ATXN7L1: variants seen among roughly 807,000 people sequenced by gnomAD.
ATXN7L1 encodes ataxin-7-like protein 1.
ATXN7L1 carries 15 observed loss-of-function variants against 70.8 expected under a neutral mutation model. The observed-to-expected ratio is 0.21, with a 90% CI of 0.14 to 0.33. ATXN7L1 has a LOEUF of 0.33. Ranked by LOEUF, ATXN7L1 falls within the 10% of genes least tolerant of loss-of-function variation. ATXN7L1 has a pLI of 1.00. For missense variants in ATXN7L1, 975 were observed against 1,097.1 expected (o/e 0.89, Z 1.57); for synonymous variants, 440 against 445.1 (o/e 0.99, Z 0.14).
At chr7:105,766,105 C>T (rs867412711) in intron 3 of ATXN7L1, among the ~76,000 whole-genome samples, 2 of 151,238 alleles carry the variant, frequency 1.3e-5, no homozygotes, top group Non-Finnish European at 2.9e-5. Flanking sequence ...TGAGCTCATT[C>T]GCCACACAGG....
At chr7:105,679,024 G>A (rs753096629) in intron 3 of ATXN7L1, 61 of 958,256 alleles carry the variant, frequency 6.4e-5, no homozygotes, top group Non-Finnish European at 7.6e-5. Context: ...CGTCCTGTGT[G>A]GCCCTCGTGC....
intron 3 of ATXN7L1, among the ~76,000 whole-genome samples, chr7:105,740,918 C>T (rs1362309869): frequency 1.3e-5 from 2 of 151,962 alleles, no homozygotes; most frequent in African/African-American, 4.8e-5. Flanking sequence ...GCGCCCGCCA[C>T]CACGCCTGGC....
At chr7:105,815,957 GA>G (rs1413788386) in intron 2 of ATXN7L1, among the ~76,000 whole-genome samples, 1 of 152,154 alleles carries the variant, frequency 6.6e-6, no homozygotes, top group Non-Finnish European at 1.5e-5. Context: ...ATTATTAAAA[GA>G]AAAACAAAAA....
Position 105,622,908 on chromosome 7 carries a change from G to A in ATXN7L1, c.1395+1167C>T, listed in dbSNP as rs560780207. 3.9e-5 allele frequency among the ~76,000 whole-genome samples: 6 copies of A among 152,178 alleles called. No individual in the cohort carries two copies. In the South Asian group the frequency reaches 8.3e-4, roughly 21 times the overall value. On this transcript the variant is annotated intron_variant, in intron 8 of 11. Coordinates refer to ENST00000419735, the MANE Select transcript of ATXN7L1 (RefSeq NM_020725.2). ...ACAGGGACCATGCGTGAAAAGTAGA[G>A]GGAATTGCAGAGATTGTCCCTCGGC...
chr7:105,818,504 G>T (rs568355557), intron 2 of ATXN7L1, among the ~76,000 whole-genome samples: 18 of 150,330 alleles, frequency 1.2e-4, no homozygotes, highest in Admixed American at 1.1e-3. Flanking sequence ...GGCTTAGAAT[G>T]TTCAAAGTGA....
Position 105,633,714 on chromosome 7 carries a change from C to T in ATXN7L1, c.1202+4639G>A, listed in dbSNP as rs536441882. Among the ~76,000 whole-genome samples the T allele has an allele frequency of 6.6e-5, 10 of 152,276 alleles. No individual in the cohort carries two copies. The South Asian group carries it at 2.1e-3, about 32-fold the overall frequency. ...CAGCCTGGGTGACAGGGGGGAGACTCTGTCTCAAAACAACAATAACAACAA... is the reference window on the plus strand; with the variant it reads ...CAGCCTGGGTGACAGGGGGGAGACTTTGTCTCAAAACAACAATAACAACAA... On this transcript the variant is annotated intron_variant, in intron 7 of 11. Transcript: ENST00000419735.
intron 3 of ATXN7L1, among the ~76,000 whole-genome samples, chr7:105,785,829 A>G (rs1804218128): frequency 6.6e-6 from 1 of 152,214 alleles, no homozygotes; most frequent in Admixed American, 6.5e-5. Context: ...TGCAACCTGG[A>G]AGACAGTCCT....
At chr7:105,832,929 C>G (rs968538199) in intron 2 of ATXN7L1, among the ~76,000 whole-genome samples, 7 of 152,214 alleles carry the variant, frequency 4.6e-5, no homozygotes, top group African/African-American at 1.7e-4. Context: ...TATCCCAGCA[C>G]AAGCCTCCCT....
At chr7:105,777,982 T>C (rs1802976442) in intron 3 of ATXN7L1, among the ~76,000 whole-genome samples, 1 of 152,236 alleles carries the variant, frequency 6.6e-6, no homozygotes, top group Admixed American at 6.5e-5. Context: ...TTTGTTTATG[T>C]TATTTAACCT....
intron 2 of ATXN7L1, among the ~76,000 whole-genome samples, chr7:105,817,237 A>G (rs1809331700): frequency 1.3e-5 from 2 of 152,260 alleles, no homozygotes; most frequent in Non-Finnish European, 2.9e-5. Flanking sequence ...GATACAGGAG[A>G]AAGCAATTTC....
intron 2 of ATXN7L1, among the ~76,000 whole-genome samples, chr7:105,831,772 G>A (rs1811653614): frequency 6.6e-6 from 1 of 152,120 alleles, no homozygotes; most frequent in Admixed American, 6.5e-5. Flanking sequence ...GTGAAGTGGG[G>A]GGCATTGACA....
chr7:105,619,526 ATATATTTTTTTTTTTTTT>A (rs1426426727), intron 9 of ATXN7L1, among the ~76,000 whole-genome samples: 11 of 16,400 alleles, frequency 6.7e-4, no homozygotes, highest in East Asian at 4.0e-3. Flanking sequence ...ATATATATAT[ATATATTTTTTTTTTTTTT>A]TTTTTTTTTT....
rs568809897 is a variant in ATXN7L1 at position 105,607,877 on chromosome 7, G to A, written c.2561C>T (p.Thr854Met). The A allele has an allele frequency of 4.0e-5, 62 of 1,551,892 alleles. No homozygotes were observed. The highest frequency in any genetic ancestry group is 2.2e-4 in the East Asian group (9 of 40,912). ...PGHSRQNTNR[T>M]GRIRTLP ...TTATGGAAGAGTCCTTATCCTGCCCGTTCTGTTTGTGTTCTTCTAGGAAAG... is the reference window on the plus strand; with the variant it reads ...TTATGGAAGAGTCCTTATCCTGCCCATTCTGTTTGTGTTCTTCTAGGAAAG... The change falls in exon 12 of 12, where the codon ACG becomes ATG. Residue 854 changes from threonine (T) to methionine (M), a missense_variant. By Grantham distance (81) the Thr-to-Met change is moderately conservative. This residue lies in a region of ATXN7L1 where 635 missense variants were observed against 699.4 expected (regional missense o/e 0.91). Transcript: ENST00000419735.
chr7:105,629,495 T>A (rs1309615211), intron 7 of ATXN7L1, among the ~76,000 whole-genome samples: 2 of 148,070 alleles, frequency 1.4e-5, no homozygotes, highest in South Asian at 4.2e-4. Flanking sequence ...TATATATATG[T>A]ATTATTATTA....
intron 3 of ATXN7L1, among the ~76,000 whole-genome samples, chr7:105,720,807 G>A (rs1795101689): frequency 6.6e-6 from 1 of 152,034 alleles, no homozygotes; most frequent in African/African-American, 2.4e-5. Flanking sequence ...TGTCTTCTGG[G>A]TATCCACTGG....
intron 3 of ATXN7L1, among the ~76,000 whole-genome samples, chr7:105,693,256 A>G (rs1448474663): frequency 6.6e-6 from 1 of 152,112 alleles, no homozygotes; most frequent in Non-Finnish European, 1.5e-5. Flanking sequence ...CAGTGGTGCC[A>G]TCATAGCTCA....
intron 3 of ATXN7L1, among the ~76,000 whole-genome samples, chr7:105,733,543 C>T (rs1584870137): frequency 7.5e-6 from 1 of 133,512 alleles, no homozygotes; most frequent in Non-Finnish European, 1.6e-5. Flanking sequence ...TCCATCCACC[C>T]ATCCATCCAT....
In ATXN7L1 at chr7:105,665,264, C is replaced by A; in HGVS notation, c.380G>T (p.Arg127Ile). ...TGGAGACACTGGAGAGGGAGAAGGT[C>A]TACACATTGAACCGTGTCTTCTCTC... The part of the protein sequence containing the change: ...HCERRHGSMC[R>I]PSPSPVSPAS... Residue 127 changes from arginine to isoleucine, a missense_variant, in exon 4 of 12, where the codon AGA (arginine) becomes ATA (isoleucine). Transcript: ENST00000419735. The A allele has an allele frequency of 6.4e-7, 1 of 1,551,500 alleles. No homozygotes were observed. The highest frequency in any genetic ancestry group is 1.2e-5 in the South Asian group (1 of 84,022).
At chr7:105,846,060 A>G (rs1773783223) in intron 2 of ATXN7L1, among the ~76,000 whole-genome samples, 1 of 152,208 alleles carries the variant, frequency 6.6e-6, no homozygotes, top group Admixed American at 6.5e-5. Context: ...CATCATCAAA[A>G]TTAAAAGCTT....
Sources: allele counts gnomAD v4.1 joint callset (sites outside exome capture counted in the v4.1 genomes callset), GRCh38; gene constraint gnomAD v4.1.1; regional missense constraint gnomAD v4.1.1; transcripts MANE v1.5; gene names NCBI Gene and HGNC (gene_info 2026-07-23, HGNC 2026-07-21).